PTPRC: variants seen among roughly 807,000 people sequenced by gnomAD.
The protein encoded by PTPRC is receptor-type tyrosine-protein phosphatase C.
Under a neutral mutation model 155.9 loss-of-function variants are expected in PTPRC, and 44 were observed. That is an observed-to-expected ratio of 0.28 (90% CI 0.22 to 0.36). PTPRC has a LOEUF of 0.36. PTPRC is among the 10% of genes least tolerant of loss of function. The pLI, the probability that PTPRC is intolerant of heterozygous loss-of-function variation, is 1.00. For synonymous variants in PTPRC, 525 were observed against 533.1 expected (o/e 0.98, Z 0.21); for missense variants, 1,401 against 1,564.6 (o/e 0.90, Z 1.76).
At chr1:198,726,243 T>A (rs1315178558) in intron 15 of PTPRC, among the ~76,000 whole-genome samples, 1 of 152,198 alleles carries the variant, frequency 6.6e-6, no homozygotes, top group Non-Finnish European at 1.5e-5. Context: ...GAAACAATCA[T>A]GCTGATTGAT....
At chr1:198,657,168 G>C (rs1023318782) in intron 2 of PTPRC, among the ~76,000 whole-genome samples, 1 of 151,596 alleles carries the variant, frequency 6.6e-6, no homozygotes, top group Non-Finnish European at 1.5e-5. Context: ...TCACTTACTA[G>C]AGCAGAAAAA....
chr1:198,694,800 C>A (rs779467181), intron 3 of PTPRC: 4 of 944,508 alleles, frequency 4.2e-6, no homozygotes, highest in Non-Finnish European at 5.0e-6. Flanking sequence ...CCCACCCTCT[C>A]TCCCTCCCTT....
At chr1:198,707,491 C>G (rs1003650276) in intron 9 of PTPRC, among the ~76,000 whole-genome samples, 1 of 152,112 alleles carries the variant, frequency 6.6e-6, no homozygotes, top group Non-Finnish European at 1.5e-5. Flanking sequence ...GGGGAAGCAT[C>G]TCTTAGCCAA....
intron 2 of PTPRC, among the ~76,000 whole-genome samples, chr1:198,656,401 A>G (rs2182418): frequency 0.39 from 59,948 of 152,034 alleles, 12,270 homozygotes; most frequent in East Asian, 0.68. Flanking sequence ...CATCCTTTGC[A>G]TATAGAAGAA....
At chr1:198,645,082 G>T (rs1016308885) in intron 2 of PTPRC, among the ~76,000 whole-genome samples, 5 of 151,840 alleles carry the variant, frequency 3.3e-5, no homozygotes, top group Non-Finnish European at 7.4e-5. Flanking sequence ...ATTTGCTAAT[G>T]TAGGAGTAGA....
intron 5 of PTPRC, among the ~76,000 whole-genome samples, chr1:198,700,725 G>GA (rs1226701546): frequency 6.6e-6 from 1 of 152,178 alleles, no homozygotes; most frequent in African/African-American, 2.4e-5. Flanking sequence ...GCTCTGTCCT[G>GA]ATCAAGGAAT....
chr1:198,645,781 A>G (rs968865500), intron 2 of PTPRC, among the ~76,000 whole-genome samples: 3 of 151,738 alleles, frequency 2.0e-5, no homozygotes, highest in African/African-American at 7.2e-5. Context: ...TTAACTTTGC[A>G]TTCTTTATTT....
rs1664338155 is a variant in PTPRC, at chr1:198,666,815, G to A, written c.74-25532G>A. The stretch of plus-strand genomic sequence containing the variant: ...AACATAATCTTGCTTGAATGAGGAT[G>A]AGTATAAGATACCTCAGTCATGACC... On this transcript the variant is annotated intron_variant, in intron 2 of 32. Transcript: ENST00000442510. Among the ~76,000 whole-genome samples, 3 of 152,154 alleles carry A rather than the reference G, an allele frequency of 2.0e-5. No homozygotes were observed. The South Asian group carries it at 6.2e-4, about 32-fold the overall frequency.
chr1:198,639,452 T>G (rs752452436), intron 2 of PTPRC, 111 bp downstream of exon 2: 29 of 807,922 alleles, frequency 3.6e-5, no homozygotes, highest in Non-Finnish European at 5.6e-5. Flanking sequence ...GTGAGAAGCC[T>G]GCTGTAAACC....
chr1:198,662,220 A>G (rs551523706), intron 2 of PTPRC, among the ~76,000 whole-genome samples: 90 of 152,344 alleles, frequency 5.9e-4, no homozygotes, highest in South Asian at 3.5e-3. Flanking sequence ...AGGACTTCAT[A>G]TGTGCTAGAT....
chr1:198,702,265 A>C, intron 5 of PTPRC, 122 bp from the exon 6 acceptor site: 2 of 1,259,072 alleles, frequency 1.6e-6, no homozygotes, highest in Non-Finnish European at 2.3e-6. Context: ...GTGGTATAGC[A>C]GAAGTGCTTG....
At chr1:198,732,165 A>T in intron 18 of PTPRC, 135 bp from the exon 19 acceptor site, 1 of 758,726 alleles carries the variant, frequency 1.3e-6, no homozygotes, top group Non-Finnish European at 2.2e-6. Flanking sequence ...AATTTTGATT[A>T]CTCTAAGCAA....
chr1:198,643,487 T>TA (rs1185090795), intron 2 of PTPRC, among the ~76,000 whole-genome samples: 3 of 151,946 alleles, frequency 2.0e-5, no homozygotes, highest in Non-Finnish European at 4.4e-5. Context: ...TTGTCCAGAT[T>TA]AAATTAAGTT....
At chr1:198,672,032 C>T (rs1241663536) in intron 2 of PTPRC, among the ~76,000 whole-genome samples, 1 of 152,144 alleles carries the variant, frequency 6.6e-6, no homozygotes, top group Non-Finnish European at 1.5e-5. Flanking sequence ...CATGCCTTTC[C>T]ATATGACTTA....
At chr1:198,681,792 C>T (rs1344423153) in intron 2 of PTPRC, among the ~76,000 whole-genome samples, 1 of 152,130 alleles carries the variant, frequency 6.6e-6, no homozygotes, top group Non-Finnish European at 1.5e-5. Flanking sequence ...AAATAAATCA[C>T]ATAATAAAAC....
chr1:198,737,981 A>T (rs1654725501), intron 23 of PTPRC, among the ~76,000 whole-genome samples: 1 of 151,796 alleles, frequency 6.6e-6, no homozygotes, highest in African/African-American at 2.4e-5. Context: ...GCATATAAAA[A>T]CACTGCTTGT....
At chr1:198,642,244 C>T (rs994633686) in intron 2 of PTPRC, among the ~76,000 whole-genome samples, 8 of 151,952 alleles carry the variant, frequency 5.3e-5, no homozygotes, top group Admixed American at 6.6e-5. Flanking sequence ...TGACAATTAA[C>T]CAGTATAGAA....
At chr1:198,730,046 ATTTG>A (rs1654317964) in intron 17 of PTPRC, among the ~76,000 whole-genome samples, 2 of 152,186 alleles carry the variant, frequency 1.3e-5, no homozygotes, top group Middle Eastern at 3.4e-3. Context: ...AAGAAAACAC[ATTTG>A]TTTATCTTTT....
At chr1:198,705,982 G>A (rs747687258) in intron 8 of PTPRC, among the ~76,000 whole-genome samples, 14 of 152,116 alleles carry the variant, frequency 9.2e-5, no homozygotes, top group Non-Finnish European at 1.6e-4. Flanking sequence ...TATGTCTCCT[G>A]CAATTCATGC....
Sources: allele counts gnomAD v4.1 joint callset (sites outside exome capture counted in the v4.1 genomes callset), GRCh38; gene constraint gnomAD v4.1.1; transcripts MANE v1.5; gene names NCBI Gene and HGNC (gene_info 2026-07-23, HGNC 2026-07-21).